The following KCP variants were observed in gnomAD, a reference collection of about 807,000 sequenced individuals.
KCP encodes kielin cysteine rich BMP regulator.
Under a neutral mutation model 212.7 loss-of-function variants are expected in KCP, and 194 were observed. The observed-to-expected ratio is 0.91, with a 90% confidence interval of 0.81 to 1.03. KCP has a LOEUF of 1.03. KCP is among the 50% of genes least tolerant of loss of function. The pLI, the probability that KCP is intolerant of heterozygous loss-of-function variation, is 0.00. For synonymous variants in KCP, 833 were observed against 865.3 expected, an observed-to-expected ratio of 0.96 and a Z score of 0.65; for missense variants, 2,080 against 2,162.5, an observed-to-expected ratio of 0.96 and a Z score of 0.76.
intron 8 of KCP, among the ~76,000 whole-genome samples, chr7:128,901,673 G>T (rs62481971): frequency 0.16 from 23,691 of 151,796 alleles, 2,340 homozygotes; most frequent in East Asian, 0.52. Context: ...CTATGGACTT[G>T]CCCTGAATTC....
chr7:128,903,315 A>C (rs1794956776), intron 7 of KCP: 1 of 280,176 alleles, frequency 3.6e-6, no homozygotes, highest in East Asian at 8.6e-5. Flanking sequence ...TCCTGTGCCC[A>C]GGCTGGATTC....
chr7:128,890,041 G>A (rs1793990454), intron 21 of KCP: 1 of 366,802 alleles, frequency 2.7e-6, no homozygotes, highest in South Asian at 2.6e-5. Context: ...TCCCACCTCA[G>A]CCTCCGGAGT....
intron 20 of KCP, among the ~76,000 whole-genome samples, 166 bp from the exon 21 acceptor site, chr7:128,890,679 G>A (rs1382540432): frequency 1.3e-5 from 2 of 148,714 alleles, no homozygotes; most frequent in African/African-American, 2.5e-5. Context: ...GGGCTCCGTG[G>A]AGGCTGAGGT....
At chr7:128,884,309 C>G (rs1793511853) in intron 28 of KCP, among the ~76,000 whole-genome samples, 187 bp from the exon 29 acceptor site, 1 of 152,250 alleles carries the variant, frequency 6.6e-6, no homozygotes, top group East Asian at 1.9e-4. Flanking sequence ...GCCCTAGTCT[C>G]TGAGATGATG....
At chr7:128,906,804 GT>G (rs1432928357) in intron 4 of KCP, among the ~76,000 whole-genome samples, 1 of 149,738 alleles carries the variant, frequency 6.7e-6, no homozygotes, top group Non-Finnish European at 1.5e-5. Context: ...AGTAATTGCG[GT>G]TTTTGCCATT....
intron 18 of KCP, 46 bp downstream of exon 18, chr7:128,891,405 C>T (rs1310802028): frequency 2.6e-6 from 4 of 1,547,410 alleles, no homozygotes; most frequent in Non-Finnish European, 3.5e-6. Flanking sequence ...CTCTGCAAGT[C>T]CCGCCTCCAC....
Position 128,886,603 on chromosome 7 carries a change from C to G in KCP, c.2773-46G>C, listed in dbSNP as rs908034690. 6 of 1,550,722 alleles carry G rather than the reference C, an allele frequency of 3.9e-6. No homozygotes were observed. The African/African-American group carries it at 5.5e-5, about 14-fold the overall frequency. Reference sequence around the variant, plus strand: ...CTGGCTCGCTGCCTAGGCTGGGGCCCAGAGGTGCTATGGTCCAGCTGTCAC... The same window carrying G: ...CTGGCTCGCTGCCTAGGCTGGGGCCGAGAGGTGCTATGGTCCAGCTGTCAC... On this transcript the variant is annotated intron_variant, in intron 25 of 39. Coordinates refer to ENST00000610776, the MANE Select transcript of KCP (RefSeq NM_001366122.1).
At position 128,880,033 on chromosome 7, in the gene KCP, C is replaced by A. The variant is rs540072693; in HGVS notation, c.3812G>T (p.Arg1271Leu). Residue 1271 changes from arginine (R) to leucine (L), a missense_variant, in exon 35 of 40, where the codon CGG (arginine) becomes CTG (leucine). Coordinates refer to ENST00000610776, the MANE Select transcript of KCP (RefSeq NM_001366122.1). ...TCCGAAGGCCATGCAGGAAGCGGGC[C>A]GAGGCAGGCAGCGGGGGCAGCAGCT... Reference protein sequence around the residue: ...PGSCCPRCLPRPASCMAFGDP... With the variant: ...PGSCCPRCLPLPASCMAFGDP... The A allele has an allele frequency of 3.9e-6, 6 of 1,548,986 alleles. No homozygotes were observed. Among genetic ancestry groups the A allele is most frequent in the Non-Finnish European group, 5.2e-6 (6 of 1,146,626 alleles).
chr7:128,907,082 G>A lies in KCP; in HGVS notation c.486+19C>T, dbSNP rs143677687. On this transcript the variant is annotated intron_variant, in intron 4 of 39. Transcript: ENST00000610776. ...AGGCAGACAGGTGAGGGATATCCAG[G>A]TAGGTCCTGGGAGCTTACCAGACAG... is the stretch of plus-strand genomic sequence containing the variant. The A allele has an allele frequency of 2.0e-4, 307 of 1,548,828 alleles. 2 individuals carry two copies. The African/African-American group carries it at 3.8e-3, about 19-fold the overall frequency.
Position 128,903,904 on chromosome 7 carries a change from G to A in KCP, c.655-84C>T, listed in dbSNP as rs192846793. ...GCGGGTGTTGGGCACCCTCGGAGGAGGGGGGCACAGGGCAGGGATGGAGGG... is the reference window on the plus strand; with the variant it reads ...GCGGGTGTTGGGCACCCTCGGAGGAAGGGGGCACAGGGCAGGGATGGAGGG... On this transcript the variant is annotated intron_variant, in intron 6 of 39. Transcript: ENST00000610776. 8,439 of 1,375,526 alleles carry A rather than the reference G, an allele frequency of 6.1e-3. 50 individuals carry two copies. The highest frequency in any genetic ancestry group is 7.8e-3 in the Non-Finnish European group (7,686 of 987,744). The allele number at this position is 1,375,526 out of a possible 1,614,324, so 85.2% of individuals were successfully genotyped here.
intron 28 of KCP, among the ~76,000 whole-genome samples, 199 bp downstream of exon 28, chr7:128,884,557 CACCTACGGCCTCCTGCACACTTGGA>C (rs755244479): frequency 9.2e-5 from 14 of 152,230 alleles, no homozygotes; most frequent in Non-Finnish European, 1.9e-4. Flanking sequence ...CCAGGGGGGC[CACCTACGGCCTCCTGCACACTTGGA>C]ACCTGCGCTC....
chr7:128,887,146 GCCTCTT>G, intron 23 of KCP, 63 bp downstream of exon 23: 1 of 1,364,882 alleles, frequency 7.3e-7, no homozygotes, highest in East Asian at 2.5e-5. Context: ...GGAGGAGACA[GCCTCTT>G]CCTGGCCAGA....
intron 8 of KCP, among the ~76,000 whole-genome samples, chr7:128,900,087 CA>C (rs567415545): frequency 2.7e-5 from 4 of 150,116 alleles, no homozygotes; most frequent in East Asian, 1.9e-4. Flanking sequence ...AGGCTTGGCT[CA>C]AAAAAAAATC....
intron 26 of KCP, 24 bp downstream of exon 26, chr7:128,886,440 G>A (rs1230390026): frequency 1.3e-6 from 2 of 1,529,164 alleles, no homozygotes; most frequent in Non-Finnish European, 1.8e-6. Context: ...CTGAAGCAAG[G>A]GGTAGGGCTA....
rs1281160817 is a variant in KCP, at chr7:128,887,303, G to C, written c.2513-3C>G. The C allele has an allele frequency of 6.4e-7, 1 of 1,550,438 alleles. No homozygotes were observed. Among genetic ancestry groups the C allele is most frequent in the African/African-American group, 1.4e-5 (1 of 72,932 alleles). On this transcript the variant is annotated splice_polypyrimidine_tract_variant and splice_region_variant and intron_variant, in intron 22 of 39. Transcript: ENST00000610776. Reference sequence around the variant, plus strand: ...AGTGACGCCATGGTAGCGGCATCCTGGCAGAGCGGGGAGTCCAACAGAAGA... The same window carrying C: ...AGTGACGCCATGGTAGCGGCATCCTCGCAGAGCGGGGAGTCCAACAGAAGA...
intron 7 of KCP, 113 bp downstream of exon 7, chr7:128,903,614 C>T: frequency 1.2e-6 from 1 of 800,136 alleles, no homozygotes; most frequent in Non-Finnish European, 2.0e-6. Context: ...TCAGGCATTC[C>T]AGCTCCGCCA....
chr7:128,906,416 G>T (rs1266478053), intron 4 of KCP, 53 bp from the exon 5 acceptor site: 36 of 1,304,920 alleles, frequency 2.8e-5, no homozygotes, highest in Non-Finnish European at 3.8e-5. Context: ...TGGAGGGCAG[G>T]GCCTCTGGAA....
Position 128,881,930 on chromosome 7 carries a change from G to A in KCP, c.3324+7C>T, listed in dbSNP as rs1305002549. 1.9e-6 allele frequency: 3 copies of A among 1,551,010 alleles called. No individual in the cohort carries two copies. The South Asian group carries it at 3.6e-5, about 18-fold the overall frequency. The stretch of plus-strand genomic sequence containing the variant: ...GCTCTGTGAGTCCCCAAGGCAGGAG[G>A]GCTCACCTGGCACTGGCACGTGTAG... On this transcript the variant is annotated splice_region_variant and intron_variant, in intron 30 of 39. Transcript: ENST00000610776.
intron 22 of KCP, 81 bp downstream of exon 22, chr7:128,888,782 G>T: frequency 7.5e-7 from 1 of 1,339,126 alleles, no homozygotes; most frequent in Non-Finnish European, 1.0e-6. Flanking sequence ...GCAGTGGGAG[G>T]GCTGGGAGGA....
Sources: gnomAD v4.1 joint callset for allele counts (sites outside exome capture counted in the v4.1 genomes callset) on GRCh38, gnomAD v4.1.1 for gene constraint, MANE v1.5 for transcripts, NCBI Gene and HGNC (gene_info 2026-07-23, HGNC 2026-07-21) for gene names.